Variants in SPG11 observed in about 807,000 individuals in gnomAD.
SPG11 encodes the protein SPG11 vesicle trafficking associated, spatacsin.
Under a neutral mutation model 274.0 loss-of-function variants are expected in SPG11, and 222 were observed. That is an observed-to-expected ratio of 0.81 (90% confidence interval 0.73 to 0.91). The LOEUF (loss-of-function observed/expected upper bound fraction) is 0.91, where lower values mean the gene tolerates loss of function less well. Ranked by LOEUF, SPG11 falls within the 40% of genes least tolerant of loss-of-function variation. The pLI is 0.00. For synonymous variants in SPG11, 1,144 were observed against 1,039.7 expected (o/e 1.10, Z -1.93); for missense variants, 3,114 against 2,872.7 (o/e 1.08, Z -1.92).
intron 12 of SPG11, 167 bp from the exon 13 acceptor site, chr15:44,622,514 G>C: frequency 1.3e-6 from 1 of 750,996 alleles, no homozygotes; most frequent in Non-Finnish European, 2.1e-6. Flanking sequence ...TTGAGTTAAT[G>C]TATGTTAACA....
intron 7 of SPG11, among the ~76,000 whole-genome samples, chr15:44,643,425 G>A (rs1415259444): frequency 6.6e-6 from 1 of 152,100 alleles, no homozygotes. Flanking sequence ...ATATTTTAGA[G>A]TATATAAAAA....
At chr15:44,641,322 T>C (rs966755545) in intron 7 of SPG11, among the ~76,000 whole-genome samples, 8 of 151,964 alleles carry the variant, frequency 5.3e-5, no homozygotes, top group Non-Finnish European at 1.0e-4. Flanking sequence ...AATTTAAGGA[T>C]AGATGTCACA....
intron 35 of SPG11, among the ~76,000 whole-genome samples, chr15:44,568,544 C>T (rs2082353398): frequency 6.6e-6 from 1 of 152,198 alleles, no homozygotes; most frequent in Non-Finnish European, 1.5e-5. Flanking sequence ...TGCTCGGTGT[C>T]ACAGAGGACA....
chr15:44,598,925 GA>G, intron 21 of SPG11, 89 bp from the exon 22 acceptor site: 1 of 1,300,404 alleles, frequency 7.7e-7, no homozygotes. Flanking sequence ...GTGACAGAGG[GA>G]GTGCCAGCCA....
intron 30 of SPG11, among the ~76,000 whole-genome samples, chr15:44,579,539 A>G (rs1210222572): frequency 6.6e-6 from 1 of 151,724 alleles, no homozygotes; most frequent in Non-Finnish European, 1.5e-5. Flanking sequence ...AAAAAAAAAA[A>G]AAAAAAAAAA....
intron 31 of SPG11, among the ~76,000 whole-genome samples, chr15:44,574,622 T>C (rs757498199): frequency 6.6e-5 from 10 of 152,160 alleles, no homozygotes; most frequent in Non-Finnish European, 1.2e-4. Flanking sequence ...GAGACCCTCA[T>C]GGTCAAATCA....
Position 44,583,915 on chromosome 15 carries a change from G to T in SPG11, c.5765C>A (p.Ala1922Asp). The change falls in exon 30 of 40, where the codon GCT (alanine) becomes GAT (aspartate). Residue 1922 changes from alanine (A) to aspartate (D), a missense_variant. Ala to Asp is a moderately radical substitution (Grantham distance 126). Coordinates refer to ENST00000261866, the MANE Select transcript of SPG11 (RefSeq NM_025137.4). Reference sequence around the variant, plus strand: ...CTCTGGGTGCAGATCCTCCATACTAGCTTCCCCTGAGGCCAGTGCTCTGCA... The same window carrying T: ...CTCTGGGTGCAGATCCTCCATACTATCTTCCCCTGAGGCCAGTGCTCTGCA... Reference protein sequence around the residue: ...LHCRALASGEASMEDLHPEIH... With the variant: ...LHCRALASGEDSMEDLHPEIH... The T allele has an allele frequency of 5.0e-6, 8 of 1,614,156 alleles. No homozygotes were observed. Among genetic ancestry groups the T allele is most frequent in the Non-Finnish European group, 6.8e-6 (8 of 1,180,028 alleles).
At chr15:44,654,904 T>C (rs1043082290) in intron 4 of SPG11, among the ~76,000 whole-genome samples, 2 of 151,948 alleles carry the variant, frequency 1.3e-5, no homozygotes, top group African/African-American at 4.8e-5. Context: ...GGACTGTACA[T>C]GATACCATTC....
In SPG11 at chr15:44,622,067, A is replaced by G. The variant is rs937492006; in HGVS notation, c.2445-133T>C. 5.1e-6 allele frequency: 6 copies of G among 1,174,144 alleles called. No individual in the cohort carries two copies. The Admixed American group carries it at 9.1e-5, about 18-fold the overall frequency. The allele number at this position is 1,174,144 out of a possible 1,614,324, so 72.7% of individuals were successfully genotyped here. A position where few individuals can be genotyped will look rare whatever the true frequency, so the allele number is the denominator to read the frequency against. ...ATTATGCAAATATTAAAATGACAGA[A>G]AACTCTCGAGTCCCTTCTGTCTGAT... On this transcript the variant is annotated intron_variant, in intron 13 of 39. Coordinates refer to ENST00000261866, the MANE Select transcript of SPG11 (RefSeq NM_025137.4).
At position 44,628,768 on chromosome 15, in the gene SPG11, CTT is replaced by C. The variant is rs1303294230; in HGVS notation, c.1966_1967del (p.Lys656ValfsTer11). 6.2e-7 allele frequency: 1 copy of C among 1,613,580 alleles called. No individual in the cohort carries two copies. The highest frequency in any genetic ancestry group is 8.5e-7 in the Non-Finnish European group (1 of 1,179,920). ...YINELRTFMI[K>X]FPWKLTDAID... The stretch of plus-strand genomic sequence containing the variant: ...TAGCATCTGTTAGCTTCCAAGGAAA[CTT>C]TATCATGAAGGTTCGAAGTTCATTA... On this transcript the variant is annotated frameshift_variant, in exon 10 of 40. Transcript: ENST00000261866. LOFTEE classifies it high-confidence loss of function.
At chr15:44,612,994 A>C (rs1388474445) in intron 17 of SPG11, among the ~76,000 whole-genome samples, 3 of 152,140 alleles carry the variant, frequency 2.0e-5, no homozygotes, top group Non-Finnish European at 4.4e-5. Flanking sequence ...CAGCAGCTCC[A>C]CTGCAGAGGA....
intron 35 of SPG11, among the ~76,000 whole-genome samples, chr15:44,568,534 T>C (rs970800925): frequency 3.9e-5 from 6 of 152,208 alleles, no homozygotes; most frequent in Admixed American, 1.3e-4. Context: ...GTGAGGAGTA[T>C]GCTCGGTGTC....
intron 35 of SPG11, among the ~76,000 whole-genome samples, chr15:44,569,080 G>C (rs186933013): frequency 4.3e-4 from 65 of 150,632 alleles, no homozygotes; most frequent in African/African-American, 1.4e-3. Flanking sequence ...TGAGACAGGA[G>C]AATCACTTGA....
intron 2 of SPG11, 70 bp downstream of exon 2, chr15:44,660,362 C>A (rs2085068044): frequency 1.4e-6 from 2 of 1,443,326 alleles, no homozygotes; most frequent in South Asian, 2.3e-5. Context: ...TATGACTTTT[C>A]CTGAAGTATG....
chr15:44,584,024 G>A lies in SPG11; in HGVS notation c.5656C>T (p.Leu1886=), dbSNP rs759700478. 1 of 1,614,228 alleles carries A rather than the reference G, an allele frequency of 6.2e-7. No individual in the cohort carries two copies. Among genetic ancestry groups the A allele is most frequent in the Non-Finnish European group, 8.5e-7 (1 of 1,180,046 alleles). ...ESLNFLIGRL[L]DDGCVHEASR... The stretch of plus-strand genomic sequence containing the variant: ...GCTTCATGCACACAGCCATCATCCA[G>A]TAGGCGCCCAATCAAAAAGTTTAGT... The change falls in exon 30 of 40, where the codon CTG becomes TTG. Residue 1886 remains leucine, a synonymous_variant. Transcript: ENST00000261866.
chr15:44,602,524 G>A (rs1205992646), intron 20 of SPG11, among the ~76,000 whole-genome samples: 1 of 151,388 alleles, frequency 6.6e-6, no homozygotes, highest in Non-Finnish European at 1.5e-5. Context: ...TGTTGCCCAG[G>A]CTGGAGTGCA....
At position 44,596,118 on chromosome 15, in the gene SPG11, C is replaced by G; in HGVS notation, c.4399G>C (p.Ala1467Pro). ...WLLVEAVKQQ[A>P]PILSVLASCL... ...GAGGCCAGAACACTGAGGATAGGGG[C>G]CTGTTGTTTCACTGCTTCAACCAGA... The change falls in exon 25 of 40, where the codon GCC becomes CCC. Residue 1467 changes from alanine to proline, a missense_variant. Ala to Pro is a conservative substitution (Grantham distance 27). Transcript: ENST00000261866. The G allele has an allele frequency of 1.2e-6, 2 of 1,613,912 alleles. No individual in the cohort carries two copies. The highest frequency in any genetic ancestry group is 1.7e-6 in the Non-Finnish European group (2 of 1,180,032).
At position 44,598,847 on chromosome 15, in the gene SPG11, A is replaced by C. The variant is rs967897890; in HGVS notation, c.3687-11T>G. ...CCTACTTGCTGGATCCTGAAAAAGA[A>C]AGGAATCAAAATCACATCAGCACAT... On this transcript the variant is annotated splice_polypyrimidine_tract_variant and intron_variant, in intron 21 of 39. Transcript: ENST00000261866. 81 of 1,613,056 alleles carry C rather than the reference A, an allele frequency of 5.0e-5. No homozygotes were observed. The highest frequency in any genetic ancestry group is 6.7e-5 in the Non-Finnish European group (79 of 1,179,216).
At position 44,598,253 on chromosome 15, in the gene SPG11, C is replaced by T; in HGVS notation, c.4001+12G>A. ...CTTGTTAGAAAAGAGGCTGAGACTGCAACTCACAAACCTCTTTATTTCCTG... is the reference window on the plus strand; with the variant it reads ...CTTGTTAGAAAAGAGGCTGAGACTGTAACTCACAAACCTCTTTATTTCCTG... On this transcript the variant is annotated intron_variant, in intron 23 of 39. Coordinates refer to ENST00000261866, the MANE Select transcript of SPG11 (RefSeq NM_025137.4). 1 of 1,591,924 alleles carries T rather than the reference C, an allele frequency of 6.3e-7. No homozygotes were observed. The highest frequency in any genetic ancestry group is 8.6e-7 in the Non-Finnish European group (1 of 1,159,886).
Sources: gnomAD v4.1 joint callset for allele counts (sites outside exome capture counted in the v4.1 genomes callset) on GRCh38, gnomAD v4.1.1 for gene constraint, MANE v1.5 for transcripts, NCBI Gene and HGNC (gene_info 2026-07-23, HGNC 2026-07-21) for gene names.